Variants in LUZP2 observed in about 807,000 individuals in gnomAD.
The protein encoded by LUZP2 is leucine zipper protein 2.
Under a neutral mutation model 51.6 loss-of-function variants are expected in LUZP2, and 52 were observed. That is an observed-to-expected ratio of 1.01 (90% CI 0.81 to 1.27). The LOEUF (loss-of-function observed/expected upper bound fraction) is 1.27. Ranked by LOEUF, LUZP2 falls within the 50% of genes most tolerant of loss-of-function variation. The pLI is 0.00. For missense variants in LUZP2, 436 were observed against 395.4 expected (o/e 1.10, Z -0.87); for synonymous variants, 154 against 137.3 (o/e 1.12, Z -0.85).
At chr11:24,930,414 C>T (rs935628643) in intron 7 of LUZP2, among the ~76,000 whole-genome samples, 8 of 152,092 alleles carry the variant, frequency 5.3e-5, no homozygotes, top group South Asian at 4.1e-4. Flanking sequence ...ATTCTCATAG[C>T]GCTGGCTTAG....
rs1852344741 is a variant in LUZP2 at position 24,878,368 on chromosome 11, A to G, written c.397-27623A>G. 4.0e-5 allele frequency among the ~76,000 whole-genome samples: 6 copies of G among 150,924 alleles called. No individual in the cohort carries two copies. In the South Asian group the frequency reaches 1.3e-3, roughly 31 times the overall value. On this transcript the variant is annotated intron_variant, in intron 5 of 11. Coordinates refer to ENST00000336930, the MANE Select transcript of LUZP2 (RefSeq NM_001009909.4). ...CTCAGCTCTTTAAGTATGTCATACC[A>G]CTCTCTCCTATCCTGTAAGGTTTAC... is the stretch of plus-strand genomic sequence containing the variant.
At chr11:24,984,933 T>A (rs1198516903) in intron 9 of LUZP2, among the ~76,000 whole-genome samples, 1 of 151,580 alleles carries the variant, frequency 6.6e-6, no homozygotes, top group African/African-American at 2.4e-5. Context: ...ATGTCTTCCT[T>A]CTTCAGAGAG....
chr11:24,985,912 T>C (rs1010827959), intron 9 of LUZP2, among the ~76,000 whole-genome samples: 1 of 151,666 alleles, frequency 6.6e-6, no homozygotes, highest in Non-Finnish European at 1.5e-5. Context: ...AGAGACAGTA[T>C]GGAGTGAAAA....
intron 5 of LUZP2, among the ~76,000 whole-genome samples, chr11:24,773,889 C>G (rs1848826701): frequency 6.6e-6 from 1 of 152,236 alleles, no homozygotes; most frequent in East Asian, 1.9e-4. Flanking sequence ...ACCCTAACCA[C>G]AAAGCCACAT....
At chr11:25,018,954 C>T (rs1857246947) in intron 9 of LUZP2, among the ~76,000 whole-genome samples, 1 of 152,104 alleles carries the variant, frequency 6.6e-6, no homozygotes, top group Admixed American at 6.6e-5. Context: ...GTTTTAGACT[C>T]ACAGCAAAAT....
intron 10 of LUZP2, among the ~76,000 whole-genome samples, chr11:25,052,259 G>T (rs1450598629): frequency 6.6e-6 from 1 of 152,154 alleles, no homozygotes; most frequent in Admixed American, 6.5e-5. Flanking sequence ...ATCGGAATTA[G>T]TGGGACATGC....
intron 1 of LUZP2, among the ~76,000 whole-genome samples, chr11:24,666,842 G>C (rs1361540388): frequency 2.0e-5 from 3 of 152,156 alleles, no homozygotes; most frequent in Admixed American, 2.0e-4. Flanking sequence ...CAAAACTAAA[G>C]AAAAACCAGG....
intron 5 of LUZP2, among the ~76,000 whole-genome samples, chr11:24,837,515 A>G (rs1454869787): frequency 6.6e-6 from 1 of 151,814 alleles, no homozygotes; most frequent in Non-Finnish European, 1.5e-5. Context: ...GATGAAATGT[A>G]TCAGAATGAC....
intron 5 of LUZP2, among the ~76,000 whole-genome samples, chr11:24,856,751 A>G (rs1009370068): frequency 2.6e-5 from 4 of 152,126 alleles, no homozygotes; most frequent in Non-Finnish European, 1.5e-5. Flanking sequence ...TTAATGTCTT[A>G]TCTTAAACCA....
chr11:24,883,995 C>T (rs1295574464), intron 5 of LUZP2, among the ~76,000 whole-genome samples: 1 of 151,908 alleles, frequency 6.6e-6, no homozygotes, highest in African/African-American at 2.4e-5. Context: ...TGCTGGAATT[C>T]CCAGTAGAAT....
At chr11:24,697,217 G>C (rs1857276184) in intron 1 of LUZP2, among the ~76,000 whole-genome samples, 1 of 152,122 alleles carries the variant, frequency 6.6e-6, no homozygotes, top group African/African-American at 2.4e-5. Context: ...GTGAAAAATT[G>C]ATTGAAGGGA....
At chr11:24,750,785 T>C (rs541439537) in intron 4 of LUZP2, among the ~76,000 whole-genome samples, 1 of 152,290 alleles carries the variant, frequency 6.6e-6, no homozygotes, top group South Asian at 2.1e-4. Flanking sequence ...CAGTACAATA[T>C]ACACATACAT....
At chr11:25,033,534 C>T (rs749720267) in intron 9 of LUZP2, among the ~76,000 whole-genome samples, 1 of 152,108 alleles carries the variant, frequency 6.6e-6, no homozygotes, top group Non-Finnish European at 1.5e-5. Flanking sequence ...GGGTAGTGAG[C>T]ACAGTACCTA....
At chr11:24,926,494 T>C in intron 7 of LUZP2, among the ~76,000 whole-genome samples, 1 of 96,004 alleles carries the variant, frequency 1.0e-5, no homozygotes, top group Non-Finnish European at 2.1e-5. Context: ...TATATATATG[T>C]GTATATATGT....
chr11:24,880,591 C>T (rs1215640340), intron 5 of LUZP2, among the ~76,000 whole-genome samples: 1 of 152,112 alleles, frequency 6.6e-6, no homozygotes, highest in Non-Finnish European at 1.5e-5. Context: ...CCAGAGAACA[C>T]ATTTTGAGAT....
At chr11:24,787,045 A>C (rs1243133964) in intron 5 of LUZP2, among the ~76,000 whole-genome samples, 1 of 152,172 alleles carries the variant, frequency 6.6e-6, no homozygotes, top group African/African-American at 2.4e-5. Flanking sequence ...GTTTCTGTTT[A>C]GTCAAGTGAC....
chr11:24,838,210 C>A (rs1209282459), intron 5 of LUZP2, among the ~76,000 whole-genome samples: 1 of 151,608 alleles, frequency 6.6e-6, no homozygotes, highest in African/African-American at 2.4e-5. Context: ...ACACTACTGG[C>A]TTTACTGTAA....
chr11:24,574,169 CTTTCTT>C lies in LUZP2; in HGVS notation c.62+76866_62+76871del, dbSNP rs1209810438. Among the ~76,000 whole-genome samples the C allele has an allele frequency of 2.2e-4, 6 of 26,810 alleles. No homozygotes were observed. The East Asian group carries it at 0.016, about 70-fold the overall frequency. The allele number at this position is 26,810 out of a possible 152,430, so 17.6% of individuals were successfully genotyped here. ...CTTCCTTCTTCCTTCTTTCAATTTT[CTTTCTT>C]TCTTTCTTTTCTTTCTTTCTTTCTC... is the stretch of plus-strand genomic sequence containing the variant. On this transcript the variant is annotated intron_variant, in intron 1 of 11. Coordinates refer to ENST00000336930, the MANE Select transcript of LUZP2 (RefSeq NM_001009909.4).
At chr11:25,006,505 C>A (rs1287132891) in intron 9 of LUZP2, among the ~76,000 whole-genome samples, 1 of 152,192 alleles carries the variant, frequency 6.6e-6, no homozygotes, top group Non-Finnish European at 1.5e-5. Context: ...ATGCTCACAA[C>A]TCCAAAGATT....
Sources: gnomAD v4.1 joint callset for allele counts (sites outside exome capture counted in the v4.1 genomes callset) on GRCh38, gnomAD v4.1.1 for gene constraint, MANE v1.5 for transcripts, NCBI Gene and HGNC (gene_info 2026-07-23, HGNC 2026-07-21) for gene names.